Variants in FAR2 observed in about 807,000 individuals in gnomAD.
The protein encoded by FAR2 is epididymis secretory protein Li 81.
Under a neutral mutation model 56.0 loss-of-function variants are expected in FAR2, and 19 were observed. The observed-to-expected ratio is 0.34, with a 90% confidence interval of 0.24 to 0.50. FAR2 has a LOEUF of 0.50. Among genes scored for constraint, FAR2 ranks in the 20% least tolerant of loss-of-function variants. The pLI, the probability that FAR2 is intolerant of heterozygous loss-of-function variation, is 0.98. For missense variants in FAR2, 508 were observed against 642.2 expected (o/e 0.79, Z 2.26); for synonymous variants, 219 against 218.8 (o/e 1.00, Z -0.01).
chr12:29,158,720 A>G (rs563649104), intron 1 of FAR2, among the ~76,000 whole-genome samples: 6 of 152,366 alleles, frequency 3.9e-5, no homozygotes, highest in African/African-American at 1.4e-4. Context: ...CATCTTGTCT[A>G]CAGTACATAG....
rs71042969 is a variant in FAR2, at chr12:29,232,821, G to GCACACACACACACACACA, written c.-38-37582_-38-37565dup. 1.2e-4 allele frequency among the ~76,000 whole-genome samples: 17 copies of GCACACACACACACACACA among 145,950 alleles called. No individual in the cohort carries two copies. The South Asian group carries it at 2.0e-3, about 17-fold the overall frequency. On this transcript the variant is annotated intron_variant, in intron 1 of 11. Coordinates refer to ENST00000536681, the MANE Select transcript of FAR2 (RefSeq NM_001271783.2). Reference sequence around the variant, plus strand: ...CACACACACACACATACGCGCTCGCGCACACACACACACACACACACACAC... The same window carrying GCACACACACACACACACA: ...CACACACACACACATACGCGCTCGCGCACACACACACACACACACACACACACACACACACACACACAC...
intron 2 of FAR2, chr12:29,282,247 A>G (rs1328202165): frequency 6.6e-6 from 1 of 152,212 alleles, no homozygotes. Context: ...ATTTATCTTT[A>G]ACACTGTCTT....
chr12:29,173,995 C>T (rs970304834), intron 1 of FAR2, among the ~76,000 whole-genome samples: 8 of 152,238 alleles, frequency 5.3e-5, no homozygotes, highest in South Asian at 2.1e-4. Context: ...GACACATTCT[C>T]GAAAACCTGT....
rs549270783 is a variant in FAR2, at chr12:29,172,282, C to G, written c.-39+22875C>G. Among the ~76,000 whole-genome samples, 153 of 152,396 alleles carry G rather than the reference C, an allele frequency of 1.0e-3. 1 individual carries two copies. The highest frequency in any genetic ancestry group is 6.4e-3 in the South Asian group (31 of 4,834). ...AGTGAGGAGCACCTCTGCCCAGCCA[C>G]TGTGCAACCTTCCAAGTGTTAAGTG... On this transcript the variant is annotated intron_variant, in intron 1 of 11. Coordinates refer to ENST00000536681, the MANE Select transcript of FAR2 (RefSeq NM_001271783.2).
intron 1 of FAR2, among the ~76,000 whole-genome samples, chr12:29,236,477 A>G (rs1237793458): frequency 5.3e-5 from 8 of 152,182 alleles, no homozygotes; most frequent in Non-Finnish European, 1.5e-5. Context: ...ATGGTTCCGC[A>G]TGGCTGGGGA....
intron 1 of FAR2, among the ~76,000 whole-genome samples, chr12:29,252,800 G>A (rs1948234623): frequency 1.3e-5 from 2 of 152,268 alleles, no homozygotes; most frequent in African/African-American, 2.4e-5. Flanking sequence ...AAGTTGACAC[G>A]GGGTGGACTT....
At position 29,332,728 on chromosome 12, in the gene FAR2, G is replaced by GT; in HGVS notation, c.1385+2dup. 3 of 1,612,084 alleles carry GT rather than the reference G, an allele frequency of 1.9e-6. No homozygotes were observed. Among genetic ancestry groups the GT allele is most frequent in the African/African-American group, 1.3e-5 (1 of 74,984 alleles). ...CAAAAGCAAAGCAACGCTTAAAAAGGTAAGTATAATCAGTCAGTTAATATT... is the reference window on the plus strand; with the variant it reads ...CAAAAGCAAAGCAACGCTTAAAAAGGTTAAGTATAATCAGTCAGTTAATATT... On this transcript the variant is annotated splice_donor_variant, in intron 11 of 11. Coordinates refer to ENST00000536681, the MANE Select transcript of FAR2 (RefSeq NM_001271783.2). LOFTEE classifies it high-confidence loss of function.
intron 1 of FAR2, among the ~76,000 whole-genome samples, chr12:29,217,071 G>C (rs1028608136): frequency 6.6e-6 from 1 of 152,092 alleles, no homozygotes; most frequent in Non-Finnish European, 1.5e-5. Context: ...CCCCTACCAG[G>C]CACATGGTTA....
intron 1 of FAR2, among the ~76,000 whole-genome samples, chr12:29,173,598 A>G (rs1949908555): frequency 6.6e-6 from 1 of 152,188 alleles, no homozygotes; most frequent in Non-Finnish European, 1.5e-5. Context: ...GGGCCAGGCC[A>G]TAGTGCAGAA....
intron 4 of FAR2, among the ~76,000 whole-genome samples, chr12:29,300,014 A>G (rs1223015452): frequency 6.6e-6 from 1 of 152,238 alleles, no homozygotes; most frequent in East Asian, 1.9e-4. Context: ...GAGCTTCTCA[A>G]CAGAAGAGAA....
chr12:29,228,724 A>T (rs191349906), intron 1 of FAR2, among the ~76,000 whole-genome samples: 1 of 152,262 alleles, frequency 6.6e-6, no homozygotes, highest in Admixed American at 6.5e-5. Flanking sequence ...AGTAGCTGGG[A>T]CCACAGGTGC....
At chr12:29,309,291 C>A (rs6487807) in intron 6 of FAR2, 61 bp downstream of exon 6, 1 of 1,286,944 alleles carries the variant, frequency 7.8e-7, no homozygotes, top group Non-Finnish European at 1.1e-6. Flanking sequence ...TAACAAAATT[C>A]TTAGTGCTGG....
rs1181667681 is a variant in FAR2 at position 29,297,180 on chromosome 12, A to C, written c.525A>C (p.Lys175Asn). Residue 175 changes from lysine (K) to asparagine (N), a missense_variant, in exon 4 of 12, where the codon AAA becomes AAC. Transcript: ENST00000536681. ...TCTATCCGTGCCCTGTGGAGCCAAAAAAAATCATTGATTCCCTTGAGTAAG... is the reference window on the plus strand; with the variant it reads ...TCTATCCGTGCCCTGTGGAGCCAAACAAAATCATTGATTCCCTTGAGTAAG... ...EVIYPCPVEP[K>N]KIIDSLEWLD... 10 of 1,611,854 alleles carry C rather than the reference A, an allele frequency of 6.2e-6. No homozygotes were observed. The highest frequency in any genetic ancestry group is 8.5e-6 in the Non-Finnish European group (10 of 1,179,392).
intron 2 of FAR2, among the ~76,000 whole-genome samples, chr12:29,276,290 A>T (rs911442224): frequency 6.6e-6 from 1 of 152,148 alleles, no homozygotes; most frequent in Admixed American, 6.5e-5. Context: ...AAGTTATGCC[A>T]AAAAAAGAAG....
intron 1 of FAR2, among the ~76,000 whole-genome samples, chr12:29,245,492 CAAATCTGCAAGTTTAAT>C (rs1948113884): frequency 1.3e-5 from 2 of 152,102 alleles, no homozygotes; most frequent in South Asian, 4.1e-4. Context: ...GGGGGGTCTC[CAAATCTGCAAGTTTAAT>C]AAGTAAACTT....
chr12:29,302,314 A>G (rs1949186060), intron 4 of FAR2, among the ~76,000 whole-genome samples: 1 of 152,020 alleles, frequency 6.6e-6, no homozygotes, highest in African/African-American at 2.4e-5. Flanking sequence ...ATCCAAGACA[A>G]ATAGAACACG....
intron 1 of FAR2, among the ~76,000 whole-genome samples, chr12:29,179,276 A>C (rs184229410): frequency 6.6e-6 from 1 of 152,202 alleles, no homozygotes; most frequent in Non-Finnish European, 1.5e-5. Context: ...TCCTGATGTC[A>C]ATATTCAGAA....
intron 1 of FAR2, among the ~76,000 whole-genome samples, chr12:29,233,533 T>A (rs547116868): frequency 2.6e-5 from 4 of 152,316 alleles, no homozygotes; most frequent in African/African-American, 7.2e-5. Context: ...ATCTGTCAAC[T>A]TCCTTGCCTG....
chr12:29,210,649 A>T (rs965816520), intron 1 of FAR2, among the ~76,000 whole-genome samples: 1 of 152,160 alleles, frequency 6.6e-6, no homozygotes, highest in African/African-American at 2.4e-5. Flanking sequence ...TCCAAATATG[A>T]TTTCTTTTTT....
Sources: allele counts gnomAD v4.1 joint callset (sites outside exome capture counted in the v4.1 genomes callset), GRCh38; gene constraint gnomAD v4.1.1; transcripts MANE v1.5; gene names NCBI Gene and HGNC (gene_info 2026-07-23, HGNC 2026-07-21).